The following MELK variants were observed in gnomAD, a reference collection of about 807,000 sequenced individuals.
MELK encodes the protein pEg3 kinase.
Under a neutral mutation model 85.0 loss-of-function variants are expected in MELK, and 81 were observed. The observed-to-expected ratio is 0.95, with a 90% CI of 0.80 to 1.15. MELK has a LOEUF of 1.15. Among genes scored for constraint, MELK ranks in the 50% most tolerant of loss-of-function variants. The pLI, the probability that MELK is intolerant of heterozygous loss-of-function variation, is 0.00. For missense variants in MELK, 754 were observed against 777.5 expected, an observed-to-expected ratio of 0.97 and a Z score of 0.36; for synonymous variants, 252 against 265.0, an observed-to-expected ratio of 0.95 and a Z score of 0.48.
intron 7 of MELK, among the ~76,000 whole-genome samples, chr9:36,601,034 G>T (rs954170540): frequency 8.6e-4 from 128 of 149,540 alleles, no homozygotes; most frequent in African/African-American, 3.0e-3. Context: ...GTTTTTTTTT[G>T]AATCATTTGA....
At chr9:36,635,412 T>G (rs2265346) in intron 10 of MELK, among the ~76,000 whole-genome samples, 21,843 of 152,070 alleles carry the variant, frequency 0.14, 1,884 homozygotes, top group African/African-American at 0.23. Context: ...TACAGCCGCC[T>G]GCTACAACGT....
intron 8 of MELK, among the ~76,000 whole-genome samples, chr9:36,622,739 A>G (rs1009945140): frequency 2.0e-5 from 3 of 152,222 alleles, no homozygotes; most frequent in African/African-American, 4.8e-5. Flanking sequence ...TCTTTATGAA[A>G]TTATATTTTT....
At position 36,601,245 on chromosome 9, in the gene MELK, T is replaced by C. The variant is rs925390444; in HGVS notation, c.567+1759T>C. ...TTATAGTTTTATTTTCCCCCCAGTC[T>C]AGGATATGGTGCAGGATGCATTTAG... On this transcript the variant is annotated intron_variant, in intron 7 of 17. Transcript: ENST00000298048. 2.0e-5 allele frequency among the ~76,000 whole-genome samples: 3 copies of C among 152,202 alleles called. 1 individual carries two copies. The highest frequency in any genetic ancestry group is 1.3e-4 in the Admixed American group (2 of 15,272).
intron 10 of MELK, among the ~76,000 whole-genome samples, chr9:36,641,644 G>A (rs1829767920): frequency 7.7e-6 from 1 of 129,946 alleles, no homozygotes; most frequent in South Asian, 2.4e-4. Context: ...TTTCACTGTT[G>A]TTGCCCAGCC....
chr9:36,599,597 C>G (rs60230850), intron 7 of MELK, 111 bp downstream of exon 7: 7,710 of 651,856 alleles, frequency 0.012, 403 homozygotes, highest in African/African-American at 0.12. Context: ...AAGAAATAAT[C>G]TTGTTAATCA....
At chr9:36,662,915 G>A (rs1259826323) in intron 13 of MELK, among the ~76,000 whole-genome samples, 1 of 152,030 alleles carries the variant, frequency 6.6e-6, no homozygotes, top group African/African-American at 2.4e-5. Flanking sequence ...TGTGGATAGT[G>A]TCCTCTGGAG....
At chr9:36,597,013 T>A (rs2135519488) in intron 5 of MELK, among the ~76,000 whole-genome samples, 1 of 152,330 alleles carries the variant, frequency 6.6e-6, no homozygotes, top group South Asian at 2.1e-4. Flanking sequence ...TTATTTATTT[T>A]TAAAAAGTGA....
At chr9:36,652,042 A>ATTTT (rs11465173) in intron 12 of MELK, among the ~76,000 whole-genome samples, 165 bp downstream of exon 12, 6,984 of 91,222 alleles carry the variant, frequency 0.077, 626 homozygotes, top group Non-Finnish European at 0.09. Context: ...TTGAACTCTA[A>ATTTT]TTTTTTTTTT....
At chr9:36,607,726 G>C (rs775990483) in intron 8 of MELK, 53 bp downstream of exon 8, 29 of 1,176,578 alleles carry the variant, frequency 2.5e-5, no homozygotes, top group Non-Finnish European at 3.5e-5. Flanking sequence ...ATACCGAATA[G>C]TATATGCTTT....
chr9:36,669,292 T>C lies in MELK; in HGVS notation c.1409-18T>C, dbSNP rs1832672546. ...AGTATGTGCTGCATATGGATTGTGT[T>C]TGTTCTGTTTCTAATAGCTAGAAAC... is the stretch of plus-strand genomic sequence containing the variant. On this transcript the variant is annotated intron_variant, in intron 14 of 17. Coordinates refer to ENST00000298048, the MANE Select transcript of MELK (RefSeq NM_014791.4). 6.5e-7 allele frequency: 1 copy of C among 1,542,246 alleles called. No individual in the cohort carries two copies.
chr9:36,658,000 ACCAC>A (rs936596918), intron 13 of MELK, among the ~76,000 whole-genome samples: 3 of 151,848 alleles, frequency 2.0e-5, no homozygotes, highest in Non-Finnish European at 4.4e-5. Flanking sequence ...CAGTTGTATA[ACCAC>A]CACCAAAATT....
chr9:36,645,871 C>A (rs1830177695), intron 11 of MELK, among the ~76,000 whole-genome samples: 1 of 152,286 alleles, frequency 6.6e-6, no homozygotes, highest in East Asian at 1.9e-4. Flanking sequence ...GCCGCGAAGA[C>A]TCTCAGGCCT....
chr9:36,602,438 C>T (rs113978865), intron 7 of MELK, among the ~76,000 whole-genome samples: 6 of 128,268 alleles, frequency 4.7e-5, no homozygotes, highest in South Asian at 2.5e-4. Context: ...TGTAGTGAGC[C>T]GAGATTGTAT....
At chr9:36,598,521 G>C (rs766399200) in intron 6 of MELK, among the ~76,000 whole-genome samples, 4 of 152,076 alleles carry the variant, frequency 2.6e-5, no homozygotes, top group Non-Finnish European at 5.9e-5. Context: ...TTATGTCTTG[G>C]TATTTCTGTG....
chr9:36,659,222 G>A (rs1436740795), intron 13 of MELK, among the ~76,000 whole-genome samples: 1 of 151,632 alleles, frequency 6.6e-6, no homozygotes, highest in Non-Finnish European at 1.5e-5. Context: ...CACCATATTG[G>A]CCAGGCTGGT....
chr9:36,582,531 A>G (rs1042011990), intron 2 of MELK, among the ~76,000 whole-genome samples: 4 of 152,188 alleles, frequency 2.6e-5, no homozygotes, highest in African/African-American at 4.8e-5. Flanking sequence ...ACATATGTAC[A>G]CACCTATGTG....
intron 7 of MELK, chr9:36,606,752 A>G (rs1029542351): frequency 2.1e-4 from 31 of 147,440 alleles, no homozygotes; most frequent in African/African-American, 6.9e-4. Flanking sequence ...CATATATAAT[A>G]TATATAATAA....
At chr9:36,606,879 G>A (rs1825617748) in intron 7 of MELK, 1 of 151,790 alleles carries the variant, frequency 6.6e-6, no homozygotes, top group Non-Finnish European at 1.5e-5. Context: ...CCGACTCTTG[G>A]ATTCAAGCGA....
chr9:36,654,830 T>C (rs1831065760), intron 12 of MELK, among the ~76,000 whole-genome samples: 1 of 152,224 alleles, frequency 6.6e-6, no homozygotes, highest in Non-Finnish European at 1.5e-5. Context: ...TTATGGCAGA[T>C]CAAGAGACAT....
Sources: allele counts gnomAD v4.1 joint callset (sites outside exome capture counted in the v4.1 genomes callset), GRCh38; gene constraint gnomAD v4.1.1; transcripts MANE v1.5; gene names NCBI Gene and HGNC (gene_info 2026-07-23, HGNC 2026-07-21).